The following CNIH3 variants were observed in gnomAD, a reference collection of about 807,000 sequenced individuals.
CNIH3 encodes the protein cornichon family AMPA receptor auxiliary protein 3, also known as protein cornichon homolog 3.
Under a neutral mutation model 24.1 loss-of-function variants are expected in CNIH3, and 14 were observed. That is an observed-to-expected ratio of 0.58 (90% CI 0.38 to 0.91). The LOEUF is 0.91. Ranked by LOEUF, CNIH3 falls within the 40% of genes least tolerant of loss-of-function variation. The probability of loss-of-function intolerance (pLI) is 0.00; values close to 1 mark genes in which losing one functional copy is unlikely to be tolerated. For missense variants in CNIH3, 178 were observed against 196.8 expected (o/e 0.90, Z 0.57); for synonymous variants, 68 against 73.8 (o/e 0.92, Z 0.40).
At chr1:224,493,285 A>G (rs1677305684) in intron 1 of CNIH3, among the ~76,000 whole-genome samples, 1 of 152,224 alleles carries the variant, frequency 6.6e-6, no homozygotes, top group Non-Finnish European at 1.5e-5. Flanking sequence ...TTAAATTTGC[A>G]GAACATAAAG....
intron 2 of CNIH3, among the ~76,000 whole-genome samples, chr1:224,535,592 A>G (rs1679250776): frequency 6.6e-6 from 1 of 152,208 alleles, no homozygotes; most frequent in East Asian, 1.9e-4. Context: ...GGCTGATGGC[A>G]TAACAGGGGT....
intron 1 of CNIH3, among the ~76,000 whole-genome samples, chr1:224,667,121 G>A (rs1187504073): frequency 6.6e-6 from 1 of 152,152 alleles, no homozygotes; most frequent in Non-Finnish European, 1.5e-5. Context: ...AATATTCAGT[G>A]AATGAAATAA....
chr1:224,666,027 G>A (rs1221461135), intron 1 of CNIH3, among the ~76,000 whole-genome samples: 2 of 152,154 alleles, frequency 1.3e-5, no homozygotes, highest in Admixed American at 1.3e-4. Flanking sequence ...TATTTTGGCA[G>A]CTTTCCCAAG....
intron 1 of CNIH3, among the ~76,000 whole-genome samples, chr1:224,444,055 C>T (rs933799928): frequency 6.6e-6 from 1 of 152,142 alleles, no homozygotes; most frequent in Non-Finnish European, 1.5e-5. Flanking sequence ...CCCATGTCCC[C>T]ACCATCCAGC....
At position 224,546,415 on chromosome 1, in the gene CNIH3, G is replaced by C. The variant is rs1465057868; in HGVS notation, n.340-414G>C. ...TCCAAACTGCACTGTGGTGCCATCA[G>C]TTAGCATGAATTAGGAGAGACACGA... On this transcript the variant is annotated intron_variant and non_coding_transcript_variant, in intron 2 of 5. Coordinates refer to the CNIH3 transcript ENST00000471578. 2.6e-5 allele frequency among the ~76,000 whole-genome samples: 4 copies of C among 152,156 alleles called. No homozygotes were observed. The East Asian group carries it at 7.7e-4, about 29-fold the overall frequency.
At chr1:224,697,292 G>T (rs1474381902) in intron 3 of CNIH3, among the ~76,000 whole-genome samples, 1 of 152,172 alleles carries the variant, frequency 6.6e-6, no homozygotes, top group East Asian at 1.9e-4. Context: ...AAAAAATCCT[G>T]CTGCCTTTGT....
chr1:224,616,343 G>A lies in CNIH3; in HGVS notation c.-832G>A, dbSNP rs550279419. The A allele has an allele frequency of 2.3e-4, 113 of 492,444 alleles. No homozygotes were observed. Among genetic ancestry groups the A allele is most frequent in the Non-Finnish European group, 2.8e-4 (102 of 359,140 alleles). 30.5% of individuals were successfully genotyped at this position (492,444 alleles called of 1,614,324 possible). On this transcript the variant is annotated 5_prime_UTR_variant, in exon 1 of 6. Coordinates refer to ENST00000272133, the MANE Select transcript of CNIH3 (RefSeq NM_152495.2). The stretch of plus-strand genomic sequence containing the variant: ...CAGTGGCAAAGGCGGCGGCGGCGGC[G>A]GCGGCAGCGGCAGCAGCAGGTGGAG...
chr1:224,696,533 A>C (rs920457315), intron 3 of CNIH3, among the ~76,000 whole-genome samples: 1 of 152,182 alleles, frequency 6.6e-6, no homozygotes, highest in East Asian at 1.9e-4. Context: ...TGGAAAACTA[A>C]GGGCAGGAAT....
At chr1:224,471,987 C>CA (rs1192163092) in intron 1 of CNIH3, among the ~76,000 whole-genome samples, 2 of 152,248 alleles carry the variant, frequency 1.3e-5, no homozygotes, top group South Asian at 4.1e-4. Context: ...AGGTTGCTTC[C>CA]AAATCTTGGC....
chr1:224,636,555 G>A (rs1389739256), intron 1 of CNIH3, among the ~76,000 whole-genome samples: 4 of 152,198 alleles, frequency 2.6e-5, no homozygotes, highest in African/African-American at 9.6e-5. Context: ...TTTGAGCTAT[G>A]CTGTGTGCCA....
rs1678582954 is a variant in CNIH3 at position 224,520,564 on chromosome 1, G to T, written n.16-436G>T. 2.0e-5 allele frequency among the ~76,000 whole-genome samples: 3 copies of T among 152,222 alleles called. No individual in the cohort carries two copies. The South Asian group carries it at 6.2e-4, about 32-fold the overall frequency. ...TTGCCTTTTTTGTAGATCAGAAAAA[G>T]CATTGAATTGAATATTGTCAGTTTC... On this transcript the variant is annotated intron_variant and non_coding_transcript_variant, in intron 1 of 2. Transcript: ENST00000470602.
chr1:224,673,260 C>T (rs565294687), intron 1 of CNIH3, among the ~76,000 whole-genome samples: 10 of 152,258 alleles, frequency 6.6e-5, no homozygotes, highest in Admixed American at 1.3e-4. Flanking sequence ...ACATAAGGGC[C>T]GCATCACCAA....
At chr1:224,457,866 A>G (rs189111028) in intron 1 of CNIH3, among the ~76,000 whole-genome samples, 47 of 152,348 alleles carry the variant, frequency 3.1e-4, no homozygotes, top group Non-Finnish European at 4.4e-4. Flanking sequence ...ATCCTTGCAC[A>G]TGCATTCAAC....
intron 1 of CNIH3, among the ~76,000 whole-genome samples, chr1:224,634,919 G>A (rs2125083837): frequency 6.6e-6 from 1 of 152,344 alleles, no homozygotes; most frequent in Non-Finnish European, 1.5e-5. Flanking sequence ...GCAGTTTTCA[G>A]CACTGTTCAG....
intron 1 of CNIH3, among the ~76,000 whole-genome samples, chr1:224,647,465 G>A (rs1202890259): frequency 1.3e-5 from 2 of 152,218 alleles, no homozygotes; most frequent in South Asian, 2.1e-4. Context: ...CCTGGGCCTG[G>A]GTGTCGGGGT....
intron 1 of CNIH3, among the ~76,000 whole-genome samples, chr1:224,502,265 G>C (rs1677707219): frequency 6.6e-6 from 1 of 152,118 alleles, no homozygotes; most frequent in African/African-American, 2.4e-5. Context: ...TAAAATAAGT[G>C]GTGTGAGTGA....
chr1:224,474,460 A>G (rs1167841193), intron 1 of CNIH3, among the ~76,000 whole-genome samples: 1 of 152,100 alleles, frequency 6.6e-6, no homozygotes, highest in African/African-American at 2.4e-5. Flanking sequence ...ACATCAAAAA[A>G]GGGAAGTTTA....
intron 3 of CNIH3, among the ~76,000 whole-genome samples, chr1:224,607,896 G>C (rs1682500365): frequency 6.6e-6 from 1 of 152,140 alleles, no homozygotes; most frequent in South Asian, 2.1e-4. Context: ...TTCTGGGCCT[G>C]AGATTTTATT....
At chr1:224,525,132 C>A (rs952991335) in intron 2 of CNIH3, among the ~76,000 whole-genome samples, 2 of 152,170 alleles carry the variant, frequency 1.3e-5, no homozygotes, top group African/African-American at 4.8e-5. Context: ...TTTAGTTGCA[C>A]GGACCCCACA....
Sources: gnomAD v4.1 joint callset for allele counts (sites outside exome capture counted in the v4.1 genomes callset) on GRCh38, gnomAD v4.1.1 for gene constraint, MANE v1.5 for transcripts, NCBI Gene and HGNC (gene_info 2026-07-23, HGNC 2026-07-21) for gene names.